Variants in CDH18 observed in about 807,000 individuals in gnomAD.
CDH18 encodes the protein cadherin-18.
In CDH18, 31 loss-of-function variants were observed where a neutral mutation model predicts 67.9. The ratio of observed to expected loss-of-function variants is 0.46; its 90% CI spans 0.34 to 0.62. The LOEUF (loss-of-function observed/expected upper bound fraction) is 0.62. CDH18 is among the 20% of genes least tolerant of loss of function. The pLI is 0.01. For missense variants in CDH18, 890 were observed against 975.5 expected, an observed-to-expected ratio of 0.91 and a Z score of 1.17; for synonymous variants, 362 against 347.2, an observed-to-expected ratio of 1.04 and a Z score of -0.48.
chr5:19,930,485 A>G (rs1479167878), intron 2 of CDH18, among the ~76,000 whole-genome samples: 2 of 152,052 alleles, frequency 1.3e-5, no homozygotes, highest in East Asian at 1.9e-4. Flanking sequence ...AGTGTGAAAA[A>G]CAACAGAGAA....
chr5:19,968,019 A>C (rs1423983747), intron 2 of CDH18, among the ~76,000 whole-genome samples: 2 of 150,886 alleles, frequency 1.3e-5, no homozygotes, highest in Non-Finnish European at 2.9e-5. Flanking sequence ...CAATGTACAA[A>C]AATCACAAGC....
Position 20,368,023 on chromosome 5 carries a change from T to C in CDH18, c.-579-112518A>G, listed in dbSNP as rs554594756. On this transcript the variant is annotated intron_variant, in intron 1 of 14. Transcript: ENST00000507958. ...CAAAGGTACTTTTTATATTGGTCCT[T>C]ATGTGGTTCCACTGTGCAAAAAAAG... is the stretch of plus-strand genomic sequence containing the variant. Among the ~76,000 whole-genome samples, 4 of 152,294 alleles carry C rather than the reference T, an allele frequency of 2.6e-5. No individual in the cohort carries two copies. In the South Asian group the frequency reaches 8.3e-4, roughly 32 times the overall value.
intron 2 of CDH18, among the ~76,000 whole-genome samples, chr5:20,201,341 G>C (rs1214330706): frequency 6.6e-6 from 1 of 152,108 alleles, no homozygotes; most frequent in Non-Finnish European, 1.5e-5. Flanking sequence ...CATCTGCAAA[G>C]ATCCCATTTC....
chr5:19,892,278 GT>G (rs1788855606), intron 2 of CDH18, among the ~76,000 whole-genome samples: 1 of 152,012 alleles, frequency 6.6e-6, no homozygotes, highest in Non-Finnish European at 1.5e-5. Context: ...GCTAATGTTA[GT>G]TTACCTTTGG....
intron 2 of CDH18, among the ~76,000 whole-genome samples, chr5:20,056,401 TTTG>T (rs1187009444): frequency 6.8e-6 from 1 of 146,372 alleles, no homozygotes; most frequent in African/African-American, 2.5e-5. Flanking sequence ...TGTTTGTTTG[TTTG>T]TTTTTTAATC....
At chr5:19,602,746 C>T (rs1747345015) in intron 6 of CDH18, among the ~76,000 whole-genome samples, 1 of 151,942 alleles carries the variant, frequency 6.6e-6, no homozygotes, top group Admixed American at 6.6e-5. Context: ...GGTGGATCAC[C>T]TGCAGTCAGG....
At chr5:20,533,914 T>A (rs1756560968) in intron 1 of CDH18, among the ~76,000 whole-genome samples, 1 of 152,068 alleles carries the variant, frequency 6.6e-6, no homozygotes, top group South Asian at 2.1e-4. Context: ...TTCATATCGA[T>A]ATTGTTACTT....
intron 11 of CDH18, among the ~76,000 whole-genome samples, chr5:19,494,071 T>C (rs1430172480): frequency 2.0e-5 from 3 of 152,176 alleles, no homozygotes; most frequent in South Asian, 4.1e-4. Context: ...AATGAGTATT[T>C]TGACACTATC....
intron 8 of CDH18, among the ~76,000 whole-genome samples, chr5:19,551,045 G>A (rs1200437498): frequency 1.3e-5 from 2 of 152,206 alleles, no homozygotes; most frequent in African/African-American, 4.8e-5. Flanking sequence ...GATGAAAGGA[G>A]TACAGATACT....
intron 1 of CDH18, among the ~76,000 whole-genome samples, chr5:20,290,672 C>A (rs773127648): frequency 6.6e-6 from 1 of 152,096 alleles, no homozygotes; most frequent in Non-Finnish European, 1.5e-5. Context: ...ATGCTTGATT[C>A]GGAAGACAGT....
At chr5:20,489,673 C>A (rs992387433) in intron 1 of CDH18, among the ~76,000 whole-genome samples, 9 of 151,908 alleles carry the variant, frequency 5.9e-5, no homozygotes, top group Admixed American at 2.6e-4. Context: ...ATTTTTACTT[C>A]CAATTATGCC....
At chr5:20,380,355 T>A (rs1743815262) in intron 1 of CDH18, among the ~76,000 whole-genome samples, 1 of 152,204 alleles carries the variant, frequency 6.6e-6, no homozygotes, top group Non-Finnish European at 1.5e-5. Flanking sequence ...AGTACCTCAA[T>A]GGACTGTTTG....
chr5:19,997,604 A>C (rs1287666152), intron 2 of CDH18, among the ~76,000 whole-genome samples: 1 of 152,082 alleles, frequency 6.6e-6, no homozygotes, highest in African/African-American at 2.4e-5. Context: ...CCTTATGCCG[A>C]GGTAAACTCT....
chr5:19,755,223 A>G (rs967580049), intron 3 of CDH18, among the ~76,000 whole-genome samples: 14 of 151,206 alleles, frequency 9.3e-5, no homozygotes, highest in African/African-American at 3.4e-4. Flanking sequence ...AAATAAAAAA[A>G]AGAAATAAAA....
Position 20,155,955 on chromosome 5 carries a change from C to T in CDH18, c.-518+99489G>A, listed in dbSNP as rs557228582. Among the ~76,000 whole-genome samples the T allele has an allele frequency of 8.7e-4, 133 of 152,116 alleles. 2 individuals are homozygous for T. In the South Asian group the frequency reaches 0.027, roughly 31 times the overall value. Reference sequence around the variant, plus strand: ...CATATCTATTTTCCAAGAAGATATACAAGCAGCCAAAAAGCATATGAAAAA... The same window carrying T: ...CATATCTATTTTCCAAGAAGATATATAAGCAGCCAAAAAGCATATGAAAAA... On this transcript the variant is annotated intron_variant, in intron 2 of 14. Transcript: ENST00000507958.
intron 2 of CDH18, among the ~76,000 whole-genome samples, chr5:20,013,705 T>C (rs980549305): frequency 3.3e-5 from 5 of 152,110 alleles, no homozygotes; most frequent in Non-Finnish European, 5.9e-5. Flanking sequence ...AGAATACAAT[T>C]TGGGTGTTCA....
At chr5:19,779,426 T>C (rs1774828112) in intron 3 of CDH18, among the ~76,000 whole-genome samples, 1 of 152,134 alleles carries the variant, frequency 6.6e-6, no homozygotes, top group Non-Finnish European at 1.5e-5. Context: ...AAATAGACAG[T>C]AAAATACAAT....
intron 2 of CDH18, among the ~76,000 whole-genome samples, chr5:20,245,998 G>A (rs1002801632): frequency 3.3e-5 from 5 of 152,132 alleles, no homozygotes; most frequent in Non-Finnish European, 7.4e-5. Flanking sequence ...CATGTTGATT[G>A]ATGGCTAGCT....
intron 1 of CDH18, among the ~76,000 whole-genome samples, chr5:20,536,536 T>A (rs1373565178): frequency 3.3e-5 from 5 of 152,164 alleles, no homozygotes. Context: ...GAACGGTGCC[T>A]GGGAGTCAGT....
Sources: allele counts gnomAD v4.1 joint callset (sites outside exome capture counted in the v4.1 genomes callset), GRCh38; gene constraint gnomAD v4.1.1; transcripts MANE v1.5; gene names NCBI Gene and HGNC (gene_info 2026-07-23, HGNC 2026-07-21).